Variants in EPHA5 observed in about 807,000 individuals in gnomAD.
The protein encoded by EPHA5 is EPH receptor A5.
Under a neutral mutation model 105.0 loss-of-function variants are expected in EPHA5, and 60 were observed. The observed-to-expected ratio is 0.57, with a 90% CI of 0.46 to 0.71. EPHA5 has a LOEUF of 0.71. Ranked by LOEUF, EPHA5 falls within the 30% of genes least tolerant of loss-of-function variation. EPHA5 has a pLI of 0.00. For synonymous variants in EPHA5, 513 were observed against 449.1 expected, an observed-to-expected ratio of 1.14 and a Z score of -1.80; for missense variants, 1,218 against 1,274.7, an observed-to-expected ratio of 0.96 and a Z score of 0.68.
At chr4:65,540,678 C>A (rs1736732451) in intron 3 of EPHA5, among the ~76,000 whole-genome samples, 1 of 151,062 alleles carries the variant, frequency 6.6e-6, no homozygotes, top group Non-Finnish European at 1.5e-5. Context: ...ATTTATTGAA[C>A]CCCTGGCTGG....
intron 3 of EPHA5, among the ~76,000 whole-genome samples, chr4:65,528,171 A>G (rs921963299): frequency 9.5e-5 from 14 of 146,934 alleles, no homozygotes; most frequent in African/African-American, 3.5e-4. Context: ...AGCTTGCTGT[A>G]GATGTTTGCA....
chr4:65,586,221 A>G (rs1257257789), intron 3 of EPHA5, among the ~76,000 whole-genome samples: 4 of 151,708 alleles, frequency 2.6e-5, no homozygotes, highest in Non-Finnish European at 4.4e-5. Flanking sequence ...ATAACATGAA[A>G]CCATCTTTTC....
chr4:65,374,894 G>A (rs1007914040), intron 8 of EPHA5, among the ~76,000 whole-genome samples: 12 of 151,822 alleles, frequency 7.9e-5, no homozygotes, highest in South Asian at 2.1e-4. Flanking sequence ...TAGATGACGG[G>A]ATTTCAGATT....
Position 65,599,081 on chromosome 4 carries a change from GA to G in EPHA5, c.910+2559del, listed in dbSNP as rs376168537. On this transcript the variant is annotated intron_variant, in intron 3 of 16. Coordinates refer to ENST00000613740, the MANE Select transcript of EPHA5 (RefSeq NM_001281766.3). Reference sequence around the variant, plus strand: ...ATATATAAAGTCATTCATTAAATTTGAAAACAAAGTTTCAACAAGGTTTACC... The same window carrying G: ...ATATATAAAGTCATTCATTAAATTTGAAACAAAGTTTCAACAAGGTTTACC... Among the ~76,000 whole-genome samples, 88 of 152,092 alleles carry G rather than the reference GA, an allele frequency of 5.8e-4. 5 individuals are homozygous for G. In the South Asian group the frequency reaches 0.018, roughly 31 times the overall value.
chr4:65,444,931 G>A (rs187343702), intron 5 of EPHA5, among the ~76,000 whole-genome samples: 9 of 151,916 alleles, frequency 5.9e-5, no homozygotes, highest in South Asian at 2.1e-4. Flanking sequence ...CTTTGAATTA[G>A]TCACTTAACA....
chr4:65,628,477 C>T (rs75036411), intron 2 of EPHA5, among the ~76,000 whole-genome samples: 6,733 of 152,090 alleles, frequency 0.044, 484 homozygotes, highest in African/African-American at 0.15. Context: ...TTTGCAACAA[C>T]ATTAAGTTTC....
At chr4:65,429,385 C>T (rs1724764610) in intron 5 of EPHA5, among the ~76,000 whole-genome samples, 1 of 151,720 alleles carries the variant, frequency 6.6e-6, no homozygotes, top group Admixed American at 6.6e-5. Context: ...ATTTTTATAG[C>T]TTATGTTTAA....
At chr4:65,553,607 A>G (rs956487701) in intron 3 of EPHA5, among the ~76,000 whole-genome samples, 3 of 152,060 alleles carry the variant, frequency 2.0e-5, no homozygotes, top group Non-Finnish European at 2.9e-5. Flanking sequence ...GTAAAAGAAT[A>G]AGCAGAAATT....
chr4:65,365,299 AAAC>A (rs1233642109), intron 10 of EPHA5, 97 bp from the exon 11 acceptor site: 3 of 668,018 alleles, frequency 4.5e-6, no homozygotes, highest in Non-Finnish European at 4.6e-6. Context: ...TTAGATGAAA[AAAC>A]AAACAAACAA....
intron 6 of EPHA5, among the ~76,000 whole-genome samples, chr4:65,420,119 C>T (rs1723798442): frequency 6.6e-6 from 1 of 152,122 alleles, no homozygotes; most frequent in African/African-American, 2.4e-5. Context: ...TAGCACACTG[C>T]AGTCACTACT....
At position 65,319,599 on chromosome 4, in the gene EPHA5, T is replaced by C. The variant is rs1719478460; in HGVS notation, c.*4515A>G. 1 of 208,860 alleles carries C rather than the reference T, an allele frequency of 4.8e-6. No homozygotes were observed. The highest frequency in any genetic ancestry group is 9.7e-6 in the Non-Finnish European group (1 of 102,636). The allele number at this position is 208,860 out of a possible 1,614,324, so 12.9% of individuals were successfully genotyped here. On this transcript the variant is annotated 3_prime_UTR_variant, in exon 17 of 17. Coordinates refer to ENST00000613740, the MANE Select transcript of EPHA5 (RefSeq NM_001281766.3). ...AAAGGGTTTTTATTTTCTGAAAAAA[T>C]ATAAAATTTCATATCTTACACTACA...
At chr4:65,605,267 G>C (rs1482295503) in intron 2 of EPHA5, among the ~76,000 whole-genome samples, 1 of 152,124 alleles carries the variant, frequency 6.6e-6, no homozygotes, top group African/African-American at 2.4e-5. Flanking sequence ...TCAGAGAAGG[G>C]TCGGGGGAAG....
Position 65,337,483 on chromosome 4 carries a change from C to T in EPHA5, c.2596-1358G>A, listed in dbSNP as rs760716887. On this transcript the variant is annotated intron_variant, in intron 14 of 16. Coordinates refer to ENST00000613740, the MANE Select transcript of EPHA5 (RefSeq NM_001281766.3). The stretch of plus-strand genomic sequence containing the variant: ...TTAAGCATTGGAAAGAAAGCATTCT[C>T]CTTATGATAAATAAAATGGCACCTG... Among the ~76,000 whole-genome samples, 9 of 152,116 alleles carry T rather than the reference C, an allele frequency of 5.9e-5. No individual in the cohort carries two copies. In the South Asian group the frequency reaches 8.3e-4, roughly 14 times the overall value.
intron 11 of EPHA5, among the ~76,000 whole-genome samples, chr4:65,357,114 A>G (rs1723372779): frequency 6.6e-6 from 1 of 151,466 alleles, no homozygotes; most frequent in South Asian, 2.1e-4. Flanking sequence ...TGAGAAATTT[A>G]CCTTTATTAT....
chr4:65,603,263 C>T (rs62297692), intron 2 of EPHA5, among the ~76,000 whole-genome samples: 9,438 of 152,078 alleles, frequency 0.062, 392 homozygotes, highest in Admixed American at 0.11. Flanking sequence ...GTACCATAAC[C>T]ATTTCCTGAA....
chr4:65,416,237 TA>T (rs772031906), intron 6 of EPHA5, among the ~76,000 whole-genome samples: 83 of 152,168 alleles, frequency 5.5e-4, no homozygotes, highest in Non-Finnish European at 9.6e-4. Flanking sequence ...TATAAACAAT[TA>T]AAAGAAGGCC....
At chr4:65,558,483 T>C (rs1034876038) in intron 3 of EPHA5, among the ~76,000 whole-genome samples, 7 of 152,164 alleles carry the variant, frequency 4.6e-5, no homozygotes, top group African/African-American at 1.7e-4. Flanking sequence ...CATGTGTATG[T>C]GTGTATAGTA....
At chr4:65,361,500 A>G (rs925634327) in intron 11 of EPHA5, among the ~76,000 whole-genome samples, 1 of 151,650 alleles carries the variant, frequency 6.6e-6, no homozygotes, top group Non-Finnish European at 1.5e-5. Flanking sequence ...ATGTGTATGG[A>G]GTGGACTAAA....
At chr4:65,520,779 C>T (rs184148443) in intron 3 of EPHA5, among the ~76,000 whole-genome samples, 355 of 152,236 alleles carry the variant, frequency 2.3e-3, no homozygotes, top group Admixed American at 4.3e-3. Context: ...AAAAAATGCT[C>T]ATCATCACTG....
Sources: gnomAD v4.1 joint callset for allele counts (sites outside exome capture counted in the v4.1 genomes callset) on GRCh38, gnomAD v4.1.1 for gene constraint, MANE v1.5 for transcripts, NCBI Gene and HGNC (gene_info 2026-07-23, HGNC 2026-07-21) for gene names.